NRXN1: variants seen among roughly 807,000 people sequenced by gnomAD.
NRXN1 encodes neurexin 1, also known as neurexin-1.
Under a neutral mutation model 150.9 loss-of-function variants are expected in NRXN1, and 39 were observed. The ratio of observed to expected loss-of-function variants is 0.26; its 90% confidence interval spans 0.20 to 0.34. The LOEUF is 0.34. NRXN1 is among the 10% of genes least tolerant of loss of function. The probability of loss-of-function intolerance (pLI) is 1.00; values close to 1 mark genes in which losing one functional copy is unlikely to be tolerated. For missense variants in NRXN1, 1,815 were observed against 1,949.9 expected, an observed-to-expected ratio of 0.93 and a Z score of 1.30; for synonymous variants, 924 against 757.0, an observed-to-expected ratio of 1.22 and a Z score of -3.62.
chr2:50,112,472 G>A (rs1437849401), intron 18 of NRXN1, among the ~76,000 whole-genome samples: 3 of 152,190 alleles, frequency 2.0e-5, no homozygotes, highest in African/African-American at 7.2e-5. Flanking sequence ...TGCTTATTCC[G>A]ACTTTAGTCT....
rs529806498 is a variant in NRXN1, at chr2:50,268,782, C to A, written c.3365-31812G>T. ...CTCCAGAGCTCCTTGTAGATAGGAA[C>A]TATGTCATCCAGATTCTTTATCTAG... On this transcript the variant is annotated intron_variant, in intron 17 of 22. Coordinates refer to ENST00000401669, the MANE Select transcript of NRXN1 (RefSeq NM_001330078.2). 4.6e-5 allele frequency among the ~76,000 whole-genome samples: 7 copies of A among 152,338 alleles called. No homozygotes were observed. In the South Asian group the frequency reaches 1.4e-3, roughly 32 times the overall value.
intron 5 of NRXN1, among the ~76,000 whole-genome samples, chr2:50,755,410 A>G (rs1266892354): frequency 6.6e-6 from 1 of 151,796 alleles, no homozygotes; most frequent in African/African-American, 2.4e-5. Flanking sequence ...CCCATTTACC[A>G]TATGCCAAAC....
chr2:50,523,963 C>G (rs767991989), intron 12 of NRXN1, among the ~76,000 whole-genome samples: 39 of 152,140 alleles, frequency 2.6e-4, no homozygotes, highest in African/African-American at 8.7e-4. Flanking sequence ...TTTTTTTTAA[C>G]TCCAGAGTTT....
chr2:49,924,368 G>A (rs1668726384), intron 22 of NRXN1, among the ~76,000 whole-genome samples: 1 of 152,100 alleles, frequency 6.6e-6, no homozygotes, highest in South Asian at 2.1e-4. Flanking sequence ...GAATTTTAAT[G>A]GAGTGGAGGG....
intron 12 of NRXN1, among the ~76,000 whole-genome samples, chr2:50,522,435 A>C (rs2092813792): frequency 6.6e-6 from 1 of 152,196 alleles, no homozygotes; most frequent in Non-Finnish European, 1.5e-5. Flanking sequence ...AACGTGAATA[A>C]ATTAATAACT....
intron 18 of NRXN1, among the ~76,000 whole-genome samples, chr2:50,123,784 A>C (rs1558926773): frequency 6.6e-6 from 1 of 152,170 alleles, no homozygotes; most frequent in African/African-American, 2.4e-5. Context: ...ACTCAAGATG[A>C]TTTCAAGGTT....
chr2:50,796,771 G>C (rs953900106), intron 5 of NRXN1, among the ~76,000 whole-genome samples: 1 of 152,162 alleles, frequency 6.6e-6, no homozygotes, highest in African/African-American at 2.4e-5. Flanking sequence ...ATAAATTTAT[G>C]TGTTTATGAG....
chr2:50,193,821 C>T (rs2061589121), intron 18 of NRXN1, among the ~76,000 whole-genome samples: 1 of 151,982 alleles, frequency 6.6e-6, no homozygotes, highest in African/African-American at 2.4e-5. Flanking sequence ...ATCTCAAGGA[C>T]ATACTGTCTT....
chr2:50,813,263 T>C (rs1449046951), intron 5 of NRXN1, among the ~76,000 whole-genome samples: 6 of 152,156 alleles, frequency 3.9e-5, no homozygotes, highest in African/African-American at 7.2e-5. Flanking sequence ...CAGCCATGAA[T>C]TTACTATCAA....
chr2:50,841,049 T>C (rs1672791143), intron 5 of NRXN1: 1 of 152,604 alleles, frequency 6.6e-6, no homozygotes, highest in South Asian at 2.1e-4. Flanking sequence ...AAAACAGTGA[T>C]GTTCTACATA....
At chr2:50,968,644 T>C (rs141906039) in intron 2 of NRXN1, among the ~76,000 whole-genome samples, 232 of 152,268 alleles carry the variant, frequency 1.5e-3, no homozygotes, top group African/African-American at 5.3e-3. Flanking sequence ...TCAGAAATGC[T>C]GTATTATATT....
At chr2:50,636,357 C>T (rs189559401) in intron 5 of NRXN1, among the ~76,000 whole-genome samples, 1 of 152,158 alleles carries the variant, frequency 6.6e-6, no homozygotes, top group Non-Finnish European at 1.5e-5. Flanking sequence ...TACCACCCTA[C>T]TTAGCCTCAC....
At chr2:50,606,474 T>C (rs1009941345) in intron 8 of NRXN1, among the ~76,000 whole-genome samples, 1 of 151,626 alleles carries the variant, frequency 6.6e-6, no homozygotes, top group African/African-American at 2.4e-5. Flanking sequence ...CAATCAATAA[T>C]TATAAAATTT....
intron 2 of NRXN1, among the ~76,000 whole-genome samples, chr2:51,014,436 G>C (rs538440877): frequency 1.6e-4 from 24 of 152,034 alleles, no homozygotes; most frequent in Admixed American, 3.9e-4. Flanking sequence ...TGTCAGCAGA[G>C]AAAGGATATT....
intron 5 of NRXN1, among the ~76,000 whole-genome samples, chr2:50,666,495 T>C (rs1469671860): frequency 6.6e-6 from 1 of 151,936 alleles, no homozygotes; most frequent in Non-Finnish European, 1.5e-5. Flanking sequence ...ACCTCACAAA[T>C]TATTTTCCAA....
chr2:50,841,320 C>T (rs563619345), intron 5 of NRXN1, among the ~76,000 whole-genome samples: 8 of 152,250 alleles, frequency 5.3e-5, no homozygotes, highest in African/African-American at 1.7e-4. Flanking sequence ...TCCAGCCATA[C>T]CTGGATTTTC....
In NRXN1 at chr2:50,580,856, T is replaced by C. The variant is rs553370489; in HGVS notation, c.1321-27831A>G. 3.3e-5 allele frequency among the ~76,000 whole-genome samples: 5 copies of C among 152,184 alleles called. No homozygotes were observed. The East Asian group carries it at 5.8e-4, about 18-fold the overall frequency. ...CGTCTAGAACACTACTGGGTCTAAA[T>C]ACATACTAATGAAAATAATGGAGAG... On this transcript the variant is annotated intron_variant, in intron 8 of 22. Coordinates refer to ENST00000401669, the MANE Select transcript of NRXN1 (RefSeq NM_001330078.2).
chr2:50,574,718 T>C (rs1671136941), intron 8 of NRXN1, among the ~76,000 whole-genome samples: 1 of 152,210 alleles, frequency 6.6e-6, no homozygotes, highest in Non-Finnish European at 1.5e-5. Context: ...GCTGTCAGGA[T>C]TTGCATTGAC....
chr2:50,426,340 T>C (rs1049715834), intron 17 of NRXN1, among the ~76,000 whole-genome samples: 4 of 152,228 alleles, frequency 2.6e-5, no homozygotes, highest in Admixed American at 6.5e-5. Context: ...TAGATGACTT[T>C]TATTAATTAA....
Sources: allele counts gnomAD v4.1 joint callset (sites outside exome capture counted in the v4.1 genomes callset), GRCh38; gene constraint gnomAD v4.1.1; transcripts MANE v1.5; gene names NCBI Gene and HGNC (gene_info 2026-07-23, HGNC 2026-07-21).